Variants in GRM7 observed in about 807,000 individuals in gnomAD.
GRM7 encodes glutamate metabotropic receptor 7, also known as metabotropic glutamate receptor 7.
Under a neutral mutation model 84.5 loss-of-function variants are expected in GRM7, and 35 were observed. The ratio of observed to expected loss-of-function variants is 0.41; its 90% CI spans 0.32 to 0.55. The LOEUF is 0.55. GRM7 is among the 20% of genes least tolerant of loss of function. The pLI is 0.19. For missense variants in GRM7, 1,003 were observed against 1,194.6 expected (o/e 0.84, Z 2.36); for synonymous variants, 487 against 455.1 (o/e 1.07, Z -0.89).
chr3:7,315,386 C>G (rs1268234689), intron 4 of GRM7, among the ~76,000 whole-genome samples: 4 of 152,210 alleles, frequency 2.6e-5, no homozygotes, highest in Non-Finnish European at 4.4e-5. Flanking sequence ...CTCTTTCCAG[C>G]TTTTTCTCCT....
chr3:7,314,029 C>T (rs369892201), intron 4 of GRM7, among the ~76,000 whole-genome samples: 2 of 152,090 alleles, frequency 1.3e-5, no homozygotes, highest in South Asian at 2.1e-4. Flanking sequence ...AAAAGCAGAA[C>T]GCCAGTGTCT....
intron 3 of GRM7, among the ~76,000 whole-genome samples, chr3:7,302,474 T>G (rs1175890094): frequency 6.6e-6 from 1 of 152,166 alleles, no homozygotes; most frequent in East Asian, 1.9e-4. Context: ...TACTTTCTTT[T>G]CCTGTTTTAC....
chr3:7,010,769 A>G lies in GRM7; in HGVS notation c.520-135683A>G, dbSNP rs115680308. Among the ~76,000 whole-genome samples the G allele has an allele frequency of 9.3e-3, 1,418 of 152,296 alleles. 19 individuals are homozygous for G. The highest frequency in any genetic ancestry group is 0.014 in the Non-Finnish European group (985 of 68,024). On this transcript the variant is annotated intron_variant, in intron 1 of 9. Transcript: ENST00000357716. ...CTTGCAGCATGGGGTGGAGAGCCAGAGTGTAGAAACCATCCTCCAAGGTTC... is the reference window on the plus strand; with the variant it reads ...CTTGCAGCATGGGGTGGAGAGCCAGGGTGTAGAAACCATCCTCCAAGGTTC...
At chr3:6,884,511 C>A (rs761170926) in intron 1 of GRM7, among the ~76,000 whole-genome samples, 9 of 152,086 alleles carry the variant, frequency 5.9e-5, no homozygotes, top group Non-Finnish European at 1.2e-4. Context: ...ACCATTTTGA[C>A]CATTTAAATA....
At chr3:7,228,690 T>C (rs1176080195) in intron 2 of GRM7, among the ~76,000 whole-genome samples, 1 of 152,206 alleles carries the variant, frequency 6.6e-6, no homozygotes, top group Admixed American at 6.5e-5. Context: ...ACTATGAGAT[T>C]TGGTAGAGAT....
At chr3:6,924,135 A>G (rs984794289) in intron 1 of GRM7, among the ~76,000 whole-genome samples, 6 of 152,208 alleles carry the variant, frequency 3.9e-5, no homozygotes, top group South Asian at 2.1e-4. Context: ...TGTAGTTAGA[A>G]TGGTAAACAG....
chr3:7,669,175 T>G (rs1027318984), intron 8 of GRM7, among the ~76,000 whole-genome samples: 6 of 152,166 alleles, frequency 3.9e-5, no homozygotes, highest in African/African-American at 1.4e-4. Flanking sequence ...AAAAGAAATA[T>G]GCAGCGAATA....
At chr3:7,303,257 GAAAA>G (rs1200990322) in intron 3 of GRM7, among the ~76,000 whole-genome samples, 3 of 151,944 alleles carry the variant, frequency 2.0e-5, no homozygotes, top group Non-Finnish European at 2.9e-5. Flanking sequence ...CTATTTTTAT[GAAAA>G]TAATAAATAC....
chr3:7,167,797 G>A (rs150607244), intron 2 of GRM7, among the ~76,000 whole-genome samples: 1,818 of 151,638 alleles, frequency 0.012, 23 homozygotes, highest in Middle Eastern at 0.027. Flanking sequence ...GTGAAACCCC[G>A]TCTCAACTAA....
chr3:7,561,064 C>T (rs1445479910), intron 7 of GRM7, among the ~76,000 whole-genome samples: 1 of 152,068 alleles, frequency 6.6e-6, no homozygotes, highest in Admixed American at 6.6e-5. Context: ...TTTTTTCTTC[C>T]TCCCTTGCTT....
At chr3:7,333,032 T>A (rs1701270104) in intron 4 of GRM7, among the ~76,000 whole-genome samples, 1 of 152,078 alleles carries the variant, frequency 6.6e-6, no homozygotes. Context: ...AAGTGCCACC[T>A]CCTGGCTGGA....
intron 7 of GRM7, among the ~76,000 whole-genome samples, chr3:7,576,965 A>G: frequency 6.6e-6 from 1 of 152,226 alleles, no homozygotes; most frequent in East Asian, 1.9e-4. Context: ...AAACAAGCTC[A>G]CCAGTGATCT....
intron 4 of GRM7, among the ~76,000 whole-genome samples, chr3:7,375,942 C>T (rs1232087225): frequency 6.6e-6 from 1 of 152,136 alleles, no homozygotes; most frequent in East Asian, 1.9e-4. Context: ...ACTAGACCAA[C>T]ATCTCCCTGA....
chr3:7,511,877 C>G lies in GRM7; in HGVS notation c.1515+50155C>G, dbSNP rs185036084. Among the ~76,000 whole-genome samples the G allele has an allele frequency of 1.5e-3, 231 of 152,282 alleles. 6 individuals are homozygous for G. The highest frequency in any genetic ancestry group is 0.015 in the Admixed American group (226 of 15,296). ...CCATTTAGGGCTGGGAACAGTGGCT[C>G]ATGCCTGTAATCTCAGCACTTTGGG... is the stretch of plus-strand genomic sequence containing the variant. On this transcript the variant is annotated intron_variant, in intron 7 of 9. Coordinates refer to ENST00000357716, the MANE Select transcript of GRM7 (RefSeq NM_000844.4).
chr3:7,282,093 AC>A (rs773230584), intron 2 of GRM7, among the ~76,000 whole-genome samples: 1 of 152,102 alleles, frequency 6.6e-6, no homozygotes, highest in Non-Finnish European at 1.5e-5. Context: ...TACGAAACAA[AC>A]AAAAAACAGG....
chr3:7,581,643 A>C (rs1695255591), intron 8 of GRM7, among the ~76,000 whole-genome samples: 1 of 152,304 alleles, frequency 6.6e-6, no homozygotes, highest in Middle Eastern at 3.4e-3. Context: ...CAGAATCACA[A>C]GTTTTTCATT....
At chr3:7,064,497 T>TAC (rs1697568847) in intron 1 of GRM7, among the ~76,000 whole-genome samples, 1 of 102,202 alleles carries the variant, frequency 9.8e-6, no homozygotes, top group Non-Finnish European at 1.9e-5. Context: ...TATACATATA[T>TAC]ATATACACAT....
intron 4 of GRM7, among the ~76,000 whole-genome samples, chr3:7,381,674 A>T (rs1228916095): frequency 6.6e-6 from 1 of 152,168 alleles, no homozygotes; most frequent in Non-Finnish European, 1.5e-5. Context: ...AATAATAGTG[A>T]CTACACTATT....
chr3:7,713,139 T>C (rs1229932128), intron 9 of GRM7, among the ~76,000 whole-genome samples: 1 of 144,252 alleles, frequency 6.9e-6, no homozygotes, highest in Non-Finnish European at 1.5e-5. Context: ...TTTTTTTTTT[T>C]TTTTTTTTTT....
Sources: gnomAD v4.1 joint callset for allele counts (sites outside exome capture counted in the v4.1 genomes callset) on GRCh38, gnomAD v4.1.1 for gene constraint, MANE v1.5 for transcripts, NCBI Gene and HGNC (gene_info 2026-07-23, HGNC 2026-07-21) for gene names.